Variants in TMPRSS6 observed in about 807,000 individuals in gnomAD.
The protein encoded by TMPRSS6 is transmembrane protease serine 6.
TMPRSS6 carries 67 observed loss-of-function variants against 101.5 expected under a neutral mutation model. The ratio of observed to expected loss-of-function variants is 0.66; its 90% CI spans 0.54 to 0.81. TMPRSS6 has a LOEUF of 0.81. Among genes scored for constraint, TMPRSS6 ranks in the 30% least tolerant of loss-of-function variants. TMPRSS6 has a pLI of 0.00. For missense variants in TMPRSS6, 1,034 were observed against 1,088.7 expected (o/e 0.95, Z 0.71); for synonymous variants, 453 against 464.9 (o/e 0.97, Z 0.33).
intron 12 of TMPRSS6, 95 bp downstream of exon 12, chr22:37,074,515 G>T: frequency 8.5e-7 from 1 of 1,174,184 alleles, no homozygotes; most frequent in Non-Finnish European, 1.2e-6. Context: ...GAAGCTGCAT[G>T]TAGAAGTGGG....
chr22:37,073,605 G>A lies in TMPRSS6; in HGVS notation c.1482C>T (p.Cys494=). 3 of 1,614,062 alleles carry A rather than the reference G, an allele frequency of 1.9e-6. No homozygotes were observed. The highest frequency in any genetic ancestry group is 2.5e-6 in the Non-Finnish European group (3 of 1,179,942). Residue 494 remains cysteine (C), a synonymous_variant, in exon 13 of 18, where the codon TGC becomes TGT. Coordinates refer to ENST00000676104, the MANE Select transcript of TMPRSS6 (RefSeq NM_001374504.1). The part of the protein sequence containing the change: ...ATFQCKEDST[C]ISLPKVCDGQ... Reference sequence around the variant, plus strand: ...CATCACAGACCTTGGGCAGTGAGATGCATGTGCTGTCCTCTTTGCACTGGA... The same window carrying A: ...CATCACAGACCTTGGGCAGTGAGATACATGTGCTGTCCTCTTTGCACTGGA...
At chr22:37,067,931 G>A (rs754368200) in intron 16 of TMPRSS6, among the ~76,000 whole-genome samples, 2 of 69,360 alleles carry the variant, frequency 2.9e-5, no homozygotes, top group Admixed American at 1.1e-4. Flanking sequence ...GGCAGGCTGC[G>A]GATGTTCTCA....
At chr22:37,096,200 C>T (rs1249263706) in intron 4 of TMPRSS6, 110 bp from the exon 5 acceptor site, 25 of 1,254,144 alleles carry the variant, frequency 2.0e-5, no homozygotes, top group East Asian at 2.0e-4. Flanking sequence ...CATTGCTGTC[C>T]GTCTTCACGC....
intron 16 of TMPRSS6, chr22:37,068,488 T>C (rs1202916604): frequency 1.5e-6 from 1 of 677,794 alleles, no homozygotes; most frequent in Non-Finnish European, 2.7e-6. Context: ...CCAGGGACTC[T>C]GGTCAGTGAA....
Position 37,103,778 on chromosome 22 carries a change from C to CT in TMPRSS6, c.-1-361dup. The CT allele has an allele frequency of 1.6e-6, 1 of 613,972 alleles. No homozygotes were observed. Among genetic ancestry groups the CT allele is most frequent in the South Asian group, 1.9e-5 (1 of 52,952 alleles). 38.0% of individuals were successfully genotyped at this position (613,972 alleles called of 1,614,324 possible). ...AGAACTGAAGTACATGGGGTGCAGA[C>CT]TTCTGTAGACATCTGACCTCTTGCC... On this transcript the variant is annotated intron_variant, in intron 1 of 17. Transcript: ENST00000676104. This position sits in a 1 kb window ranked among gnomAD's most constrained non-coding sequence, Gnocchi z 4.4.
At chr22:37,081,788 G>A (rs187229287) in intron 10 of TMPRSS6, among the ~76,000 whole-genome samples, 47 of 152,300 alleles carry the variant, frequency 3.1e-4, no homozygotes, top group African/African-American at 9.4e-4. Context: ...CTTAGCCCTC[G>A]CTGGTCCCAG....
At position 37,102,356 on chromosome 22, in the gene TMPRSS6, G is replaced by A. The variant is rs180671114; in HGVS notation, c.202+860C>T. On this transcript the variant is annotated intron_variant, in intron 2 of 17. Transcript: ENST00000676104. ...ATCCCCAGAACCTGGCACACAGGAG[G>A]TGCTTGGCACTGAGTAAATGAACAA... is the stretch of plus-strand genomic sequence containing the variant. Among the ~76,000 whole-genome samples the A allele has an allele frequency of 6.7e-4, 102 of 152,344 alleles. 1 individual carries two copies. Among genetic ancestry groups the A allele is most frequent in the Middle Eastern group, 6.8e-3 (2 of 294 alleles).
intron 10 of TMPRSS6, among the ~76,000 whole-genome samples, chr22:37,079,011 AAGAAAG>A (rs1569006370): frequency 6.6e-6 from 1 of 151,732 alleles, no homozygotes; most frequent in Non-Finnish European, 1.5e-5. Context: ...GAAAGAAAGA[AAGAAAG>A]AGAAAGAGAG....
chr22:37,094,464 CAG>C (rs1041893550), intron 6 of TMPRSS6, among the ~76,000 whole-genome samples: 4 of 151,392 alleles, frequency 2.6e-5, no homozygotes, highest in Non-Finnish European at 4.4e-5. Context: ...CAGACAGAGA[CAG>C]AGAGACAGAC....
intron 3 of TMPRSS6, among the ~76,000 whole-genome samples, chr22:37,097,092 C>T (rs1929832046): frequency 1.0e-5 from 1 of 99,212 alleles, no homozygotes; most frequent in Non-Finnish European, 2.3e-5. Flanking sequence ...TTGCGCATCT[C>T]CAACTACAGC....
chr22:37,097,689 CG>C (rs1260117729), intron 3 of TMPRSS6, among the ~76,000 whole-genome samples: 9 of 134,812 alleles, frequency 6.7e-5, no homozygotes, highest in Admixed American at 3.7e-4. Context: ...GGGGCAGGAG[CG>C]GGCCACCGTC....
chr22:37,100,584 T>C (rs968609055), intron 2 of TMPRSS6, among the ~76,000 whole-genome samples: 5 of 152,204 alleles, frequency 3.3e-5, no homozygotes, highest in African/African-American at 1.2e-4. Flanking sequence ...GAAGTGGTCT[T>C]GGACTGGGAT....
At position 37,092,959 on chromosome 22, in the gene TMPRSS6, A is replaced by G. The variant is rs900361740; in HGVS notation, c.631+2592T>C. 5.9e-5 allele frequency among the ~76,000 whole-genome samples: 9 copies of G among 152,120 alleles called. No individual in the cohort carries two copies. The South Asian group carries it at 1.4e-3, about 25-fold the overall frequency. On this transcript the variant is annotated intron_variant, in intron 6 of 17. Transcript: ENST00000676104. ...TCTCTCCACTGCCTCTGGGGCCTCT[A>G]TTCTCACACTGGCACCTGGTGTTAT...
At chr22:37,084,870 G>T (rs746202236) in intron 8 of TMPRSS6, 31 bp from the exon 9 acceptor site, 10 of 1,531,218 alleles carry the variant, frequency 6.5e-6, no homozygotes, top group Non-Finnish European at 8.0e-6. Flanking sequence ...TTACACAGGG[G>T]TCCCCTGGCT....
At position 37,098,419 on chromosome 22, in the gene TMPRSS6, C is replaced by A. The variant is rs1364816680; in HGVS notation, c.333G>T (p.Lys111Asn). 6.2e-6 allele frequency: 10 copies of A among 1,613,872 alleles called. No individual in the cohort carries two copies. The highest frequency in any genetic ancestry group is 8.5e-6 in the Non-Finnish European group (10 of 1,179,996). Residue 111 changes from lysine (K) to asparagine (N), a missense_variant, in exon 3 of 18, where the codon AAG becomes AAT. Transcript: ENST00000676104. Reference sequence around the variant, plus strand: ...CATCCCCCAGATCCTTTCCTACCATCTTCTGGGCTTTGGCGGTTTCACTGC... The same window carrying A: ...CATCCCCCAGATCCTTTCCTACCATATTCTGGGCTTTGGCGGTTTCACTGC... Reference protein sequence around the residue: ...AFRSETAKAQKMLKELITSTR... With the variant: ...AFRSETAKAQNMLKELITSTR...
intron 2 of TMPRSS6, 122 bp from the exon 3 acceptor site, chr22:37,098,671 G>T: frequency 7.7e-7 from 1 of 1,296,878 alleles, no homozygotes; most frequent in Non-Finnish European, 1.1e-6. Context: ...GGTCTCCATG[G>T]CACCATCAAT....
intron 12 of TMPRSS6, 148 bp from the exon 13 acceptor site, chr22:37,073,793 T>A: frequency 2.9e-6 from 2 of 696,940 alleles, no homozygotes; most frequent in East Asian, 5.4e-5. Flanking sequence ...CTCGCTCTTG[T>A]CACGAAGGCT....
intron 16 of TMPRSS6, among the ~76,000 whole-genome samples, chr22:37,068,108 C>T (rs1872722047): frequency 6.6e-6 from 1 of 152,186 alleles, no homozygotes; most frequent in Non-Finnish European, 1.5e-5. Context: ...TCCTGCATCT[C>T]CCCATCCATG....
chr22:37,098,360 C>A, intron 3 of TMPRSS6, 56 bp downstream of exon 3: 1 of 1,612,174 alleles, frequency 6.2e-7, no homozygotes, highest in South Asian at 1.1e-5. Flanking sequence ...TCAGACCCCA[C>A]CCCTCTCTTT....
Sources: gnomAD v4.1 joint callset for allele counts (sites outside exome capture counted in the v4.1 genomes callset) on GRCh38, gnomAD v4.1.1 for gene constraint, Gnocchi (gnomAD v3.1) non-coding constraint, MANE v1.5 for transcripts, NCBI Gene and HGNC (gene_info 2026-07-23, HGNC 2026-07-21) for gene names.